The following LRRC3B variants were observed in gnomAD, a reference collection of about 807,000 sequenced individuals.
LRRC3B encodes the protein leucine rich repeat containing 3B.
A neutral mutation model predicts 12.8 loss-of-function variants in LRRC3B; 2 were observed. The observed-to-expected ratio is 0.16, with a 90% confidence interval of 0.06 to 0.49. LRRC3B has a LOEUF of 0.49. Among genes scored for constraint, LRRC3B ranks in the 20% least tolerant of loss-of-function variants. The pLI is 0.96. For synonymous variants in LRRC3B, 132 were observed against 122.0 expected (o/e 1.08, Z -0.54); for missense variants, 189 against 319.4 (o/e 0.59, Z 3.11).
chr3:26,686,703 A>G (rs1366317860), intron 1 of LRRC3B, among the ~76,000 whole-genome samples: 1 of 152,210 alleles, frequency 6.6e-6, no homozygotes, highest in African/African-American at 2.4e-5. Flanking sequence ...GAAGACTCTG[A>G]GATGGGATTT....
At chr3:26,639,031 T>TA (rs1348102306) in intron 1 of LRRC3B, among the ~76,000 whole-genome samples, 3 of 152,158 alleles carry the variant, frequency 2.0e-5, no homozygotes, top group Non-Finnish European at 4.4e-5. Context: ...AGTCAGCTTA[T>TA]AATCCCCTGG....
chr3:26,675,933 A>T (rs184020475), intron 1 of LRRC3B, among the ~76,000 whole-genome samples: 28 of 149,198 alleles, frequency 1.9e-4, no homozygotes, highest in Admixed American at 1.8e-3. Flanking sequence ...ATCATCCTTC[A>T]TTCATTTCAT....
At chr3:26,709,600 A>T (rs1378590484) in exon 2 of LRRC3B, 1 of 1,435,144 alleles carries the variant, frequency 7.0e-7, no homozygotes, top group Non-Finnish European at 9.6e-7. Flanking sequence ...AATAGTGTGG[A>T]CAGGGCTGGA....
intron 1 of LRRC3B, among the ~76,000 whole-genome samples, chr3:26,700,826 T>C (rs1010200990): frequency 6.6e-6 from 1 of 152,220 alleles, no homozygotes; most frequent in African/African-American, 2.4e-5. Context: ...TAGCTGTAGT[T>C]ACCATAAATG....
At chr3:26,693,523 A>C (rs1208116800) in intron 1 of LRRC3B, among the ~76,000 whole-genome samples, 1 of 152,168 alleles carries the variant, frequency 6.6e-6, no homozygotes, top group African/African-American at 2.4e-5. Flanking sequence ...GTTGCATTGC[A>C]AAAGACCATG....
At chr3:26,678,821 G>A (rs1486249732) in intron 1 of LRRC3B, among the ~76,000 whole-genome samples, 1 of 152,052 alleles carries the variant, frequency 6.6e-6, no homozygotes, top group African/African-American at 2.4e-5. Flanking sequence ...AGACTTTCTG[G>A]GAAGAAGAAT....
exon 2 of LRRC3B, chr3:26,710,457 C>A: frequency 6.4e-7 from 1 of 1,558,216 alleles, no homozygotes; most frequent in Non-Finnish European, 8.7e-7. Flanking sequence ...GTATAGTGTC[C>A]AAACTGACTG....
chr3:26,684,910 G>A (rs1700042210), intron 1 of LRRC3B, among the ~76,000 whole-genome samples: 1 of 152,116 alleles, frequency 6.6e-6, no homozygotes, highest in Admixed American at 6.6e-5. Flanking sequence ...ATACAATGGA[G>A]TGCTTGCAGT....
At chr3:26,644,961 CAT>C in intron 1 of LRRC3B, among the ~76,000 whole-genome samples, 1 of 152,174 alleles carries the variant, frequency 6.6e-6, no homozygotes, top group African/African-American at 2.4e-5. Context: ...CATATGAAAA[CAT>C]AGACCTGCAG....
chr3:26,636,461 C>T (rs1191294967), intron 1 of LRRC3B, among the ~76,000 whole-genome samples: 2 of 152,156 alleles, frequency 1.3e-5, no homozygotes, highest in Non-Finnish European at 2.9e-5. Context: ...TGCTATTCAT[C>T]TTTATTCATA....
chr3:26,696,374 T>C (rs1410099017), intron 1 of LRRC3B, among the ~76,000 whole-genome samples: 1 of 152,228 alleles, frequency 6.6e-6, no homozygotes, highest in Admixed American at 6.5e-5. Flanking sequence ...TTTAAATTAA[T>C]AGCCTACAGG....
Position 26,696,276 on chromosome 3 carries a change from G to T in LRRC3B, c.-160-13237G>T, listed in dbSNP as rs372563486. On this transcript the variant is annotated intron_variant, in intron 1 of 1. Coordinates refer to ENST00000396641, the Ensembl canonical transcript of LRRC3B. ...GTGTGTACACATATAAGGCCTGGAA[G>T]AACAAAATATTTGATGTGTTACATG... Among the ~76,000 whole-genome samples, 14 of 152,284 alleles carry T rather than the reference G, an allele frequency of 9.2e-5. No homozygotes were observed. The East Asian group carries it at 2.5e-3, about 27-fold the overall frequency.
At chr3:26,674,120 T>G (rs1699809099) in intron 1 of LRRC3B, among the ~76,000 whole-genome samples, 1 of 152,210 alleles carries the variant, frequency 6.6e-6, no homozygotes, top group Admixed American at 6.5e-5. Flanking sequence ...GAGGAGAGGT[T>G]TATGTTGAGT....
chr3:26,660,060 C>T (rs1441914131), intron 1 of LRRC3B, among the ~76,000 whole-genome samples: 1 of 152,048 alleles, frequency 6.6e-6, no homozygotes, highest in Non-Finnish European at 1.5e-5. Flanking sequence ...ACATTTTTCT[C>T]CCTCCGAGTT....
chr3:26,665,277 G>C (rs946347772), intron 1 of LRRC3B, among the ~76,000 whole-genome samples: 1 of 152,102 alleles, frequency 6.6e-6, no homozygotes, highest in Non-Finnish European at 1.5e-5. Context: ...CAGTTTGAAA[G>C]ACTGGCTTAT....
chr3:26,704,217 GC>G (rs1700527580), intron 1 of LRRC3B, among the ~76,000 whole-genome samples: 1 of 151,774 alleles, frequency 6.6e-6, no homozygotes, highest in Non-Finnish European at 1.5e-5. Context: ...ATAAGTATTT[GC>G]TTTTTTTTGA....
At chr3:26,674,095 C>T (rs1195815354) in intron 1 of LRRC3B, among the ~76,000 whole-genome samples, 1 of 152,110 alleles carries the variant, frequency 6.6e-6, no homozygotes, top group Admixed American at 6.5e-5. Flanking sequence ...CAAGCATACT[C>T]TGCATTTTAT....
At chr3:26,671,018 T>C (rs1699710060) in intron 1 of LRRC3B, among the ~76,000 whole-genome samples, 1 of 139,388 alleles carries the variant, frequency 7.2e-6, no homozygotes, top group South Asian at 2.5e-4. Context: ...TATCTTTTTT[T>C]TTTTTTTTTT....
intron 1 of LRRC3B, among the ~76,000 whole-genome samples, chr3:26,699,197 A>G (rs1700392880): frequency 6.6e-6 from 1 of 152,162 alleles, no homozygotes; most frequent in Admixed American, 6.6e-5. Flanking sequence ...GTGATGTGAG[A>G]ATCATTTCCT....
Sources: allele counts gnomAD v4.1 joint callset (sites outside exome capture counted in the v4.1 genomes callset), GRCh38; gene constraint gnomAD v4.1.1; transcripts MANE v1.5; gene names NCBI Gene and HGNC (gene_info 2026-07-23, HGNC 2026-07-21).